The following DENND4C variants were observed in gnomAD, a reference collection of about 807,000 sequenced individuals.
The protein encoded by DENND4C is DENN domain-containing protein 4C.
In DENND4C, 108 loss-of-function variants were observed where a neutral mutation model predicts 203.0. The observed-to-expected ratio is 0.53, with a 90% CI of 0.46 to 0.62. The LOEUF is 0.62. Ranked by LOEUF, DENND4C falls within the 20% of genes least tolerant of loss-of-function variation. The pLI, the probability that DENND4C is intolerant of heterozygous loss-of-function variation, is 0.00. For synonymous variants in DENND4C, 871 were observed against 792.4 expected (o/e 1.10, Z -1.67); for missense variants, 2,481 against 2,301.2 (o/e 1.08, Z -1.60).
intron 12 of DENND4C, among the ~76,000 whole-genome samples, chr9:19,319,174 A>T (rs554080705): frequency 3.5e-4 from 52 of 148,820 alleles, no homozygotes; most frequent in South Asian, 1.9e-3. Flanking sequence ...CAAAAAAAAA[A>T]ATATATGTAT....
At chr9:19,370,519 C>T (rs1828603512) in intron 31 of DENND4C, among the ~76,000 whole-genome samples, 1 of 151,854 alleles carries the variant, frequency 6.6e-6, no homozygotes, top group Non-Finnish European at 1.5e-5. Context: ...CTAAAGTGTA[C>T]TGTCTTTTGG....
chr9:19,272,168 C>T (rs747665322), intron 1 of DENND4C, among the ~76,000 whole-genome samples: 3 of 151,704 alleles, frequency 2.0e-5, no homozygotes, highest in Non-Finnish European at 2.9e-5. Context: ...GCCTATAATC[C>T]CAGCACTTTG....
At chr9:19,330,085 A>G (rs948254783) in intron 16 of DENND4C, among the ~76,000 whole-genome samples, 3 of 152,138 alleles carry the variant, frequency 2.0e-5, no homozygotes, top group African/African-American at 4.8e-5. Context: ...ATTTCTTTCA[A>G]TGTTGTCTGA....
intron 1 of DENND4C, among the ~76,000 whole-genome samples, chr9:19,235,459 A>G (rs755981885): frequency 6.6e-6 from 1 of 152,222 alleles, no homozygotes; most frequent in Non-Finnish European, 1.5e-5. Flanking sequence ...TGTGTACATT[A>G]ACTTATGATA....
intron 26 of DENND4C, among the ~76,000 whole-genome samples, chr9:19,353,794 C>T (rs192910104): frequency 2.0e-5 from 3 of 151,708 alleles, no homozygotes; most frequent in Non-Finnish European, 4.4e-5. Context: ...AAGGTTAGCC[C>T]GACACCATGG....
At chr9:19,258,121 AAATC>A (rs5896839) in intron 1 of DENND4C, among the ~76,000 whole-genome samples, 99,532 of 151,106 alleles carry the variant, frequency 0.66, 32,842 homozygotes, top group South Asian at 0.78. Flanking sequence ...CTGTCTCAAA[AAATC>A]AATCAATCAA....
intron 2 of DENND4C, among the ~76,000 whole-genome samples, chr9:19,277,747 A>G (rs1403575946): frequency 1.3e-5 from 2 of 152,274 alleles, no homozygotes; most frequent in South Asian, 2.1e-4. Context: ...TTTTAGGTGG[A>G]AAGCTTTCAG....
intron 5 of DENND4C, among the ~76,000 whole-genome samples, chr9:19,293,477 A>G (rs1836783869): frequency 6.6e-6 from 1 of 152,002 alleles, no homozygotes; most frequent in South Asian, 2.1e-4. Flanking sequence ...TCACTTTGAA[A>G]TAATTGTATC....
intron 10 of DENND4C, among the ~76,000 whole-genome samples, chr9:19,314,794 C>A (rs1337879120): frequency 1.3e-5 from 2 of 152,142 alleles, no homozygotes; most frequent in Non-Finnish European, 2.9e-5. Context: ...TTCATTATGC[C>A]ATGCTACATT....
At chr9:19,299,348 T>A (rs990652331) in intron 8 of DENND4C, 61 bp downstream of exon 8, 1 of 1,169,756 alleles carries the variant, frequency 8.5e-7, no homozygotes, top group Non-Finnish European at 1.2e-6. Context: ...TTTAAAATAT[T>A]TTAGTGATTA....
In DENND4C at chr9:19,281,526, A is replaced by G. The variant is rs564105243; in HGVS notation, c.305+5047A>G. 1.1e-4 allele frequency among the ~76,000 whole-genome samples: 17 copies of G among 152,334 alleles called. 1 individual carries two copies. In the East Asian group the frequency reaches 3.1e-3, roughly 28 times the overall value. On this transcript the variant is annotated intron_variant, in intron 2 of 32. Transcript: ENST00000434457. Reference sequence around the variant, plus strand: ...AAGTTTAATATGAAACACTGTTGCTAAACTTTTGTCTTTTTTACTGTTTTA... The same window carrying G: ...AAGTTTAATATGAAACACTGTTGCTGAACTTTTGTCTTTTTTACTGTTTTA...
intron 30 of DENND4C, among the ~76,000 whole-genome samples, chr9:19,362,538 TAAAAA>T (rs11320093): frequency 2.0e-5 from 3 of 150,034 alleles, no homozygotes; most frequent in Non-Finnish European, 4.5e-5. Context: ...GATTTGCTGT[TAAAAA>T]AAAAAGTACA....
chr9:19,357,170 G>C lies in DENND4C; in HGVS notation c.4964+16G>C, dbSNP rs532225565. The C allele has an allele frequency of 1.9e-6, 3 of 1,613,276 alleles. No homozygotes were observed. Among genetic ancestry groups the C allele is most frequent in the Non-Finnish European group, 2.5e-6 (3 of 1,179,424 alleles). ...TTGAACCAAGGTATCAAAGGGTACA[G>C]AGACCTCTTTATGTAGTAATAAATG... On this transcript the variant is annotated intron_variant, in intron 27 of 32. Coordinates refer to ENST00000434457, the MANE Select transcript of DENND4C (RefSeq NM_001330640.2).
Position 19,252,924 on chromosome 9 carries a change from A to G in DENND4C, c.-18+22091A>G, listed in dbSNP as rs144203155. Among the ~76,000 whole-genome samples, 699 of 152,242 alleles carry G rather than the reference A, an allele frequency of 4.6e-3. 5 individuals carry two copies. The highest frequency in any genetic ancestry group is 0.02 in the Middle Eastern group (6 of 294). On this transcript the variant is annotated intron_variant, in intron 1 of 32. Coordinates refer to ENST00000434457, the MANE Select transcript of DENND4C (RefSeq NM_001330640.2). Reference sequence around the variant, plus strand: ...CTAATTTTTTGTATTTTTAGTAGAGATGGGGTTTTGCCGTGTTGGCCAGGC... The same window carrying G: ...CTAATTTTTTGTATTTTTAGTAGAGGTGGGGTTTTGCCGTGTTGGCCAGGC...
intron 30 of DENND4C, among the ~76,000 whole-genome samples, chr9:19,364,024 A>C (rs999353686): frequency 6.6e-6 from 1 of 152,032 alleles, no homozygotes; most frequent in Non-Finnish European, 1.5e-5. Context: ...ATAAAAGAAA[A>C]AAAGGATAAT....
intron 12 of DENND4C, 39 bp from the exon 13 acceptor site, chr9:19,324,323 G>T (rs770009590): frequency 2.0e-6 from 3 of 1,511,006 alleles, no homozygotes; most frequent in African/African-American, 1.4e-5. Flanking sequence ...TCGAATTCCA[G>T]TTTAAAATTT....
intron 30 of DENND4C, among the ~76,000 whole-genome samples, chr9:19,365,813 AATTTT>A (rs1827543901): frequency 6.6e-6 from 1 of 151,950 alleles, no homozygotes; most frequent in Non-Finnish European, 1.5e-5. Context: ...CTAAGAAAAC[AATTTT>A]ATTTATTTAT....
intron 9 of DENND4C, 82 bp from the exon 10 acceptor site, chr9:19,305,269 TC>T (rs1424614336): frequency 8.3e-7 from 1 of 1,204,742 alleles, no homozygotes; most frequent in South Asian, 1.6e-5. Flanking sequence ...TTTTCAGTGG[TC>T]CCTTTTCAGT....
intron 13 of DENND4C, among the ~76,000 whole-genome samples, chr9:19,324,978 A>G (rs563028800): frequency 6.6e-6 from 1 of 152,130 alleles, no homozygotes; most frequent in African/African-American, 2.4e-5. Flanking sequence ...TTGGCCTCCC[A>G]AATCCTTGGG....
Sources: gnomAD v4.1 joint callset for allele counts (sites outside exome capture counted in the v4.1 genomes callset) on GRCh38, gnomAD v4.1.1 for gene constraint, MANE v1.5 for transcripts, NCBI Gene and HGNC (gene_info 2026-07-23, HGNC 2026-07-21) for gene names.